Variants in CDH12 observed in about 807,000 individuals in gnomAD.
CDH12 encodes cadherin-12.
CDH12 carries 41 observed loss-of-function variants against 74.1 expected under a neutral mutation model. The observed-to-expected ratio is 0.55, with a 90% CI of 0.43 to 0.72. The LOEUF is 0.72. CDH12 is among the 30% of genes least tolerant of loss of function. The pLI is 0.00. For synonymous variants in CDH12, 399 were observed against 355.0 expected (o/e 1.12, Z -1.39); for missense variants, 945 against 977.2 (o/e 0.97, Z 0.44).
At chr5:21,868,210 T>C (rs761352716) in intron 6 of CDH12, among the ~76,000 whole-genome samples, 2 of 147,044 alleles carry the variant, frequency 1.4e-5, no homozygotes, top group Non-Finnish European at 2.9e-5. Context: ...TCCACCATGA[T>C]TGTGAGGCCT....
At chr5:22,099,470 C>T (rs1312698837) in intron 4 of CDH12, among the ~76,000 whole-genome samples, 2 of 152,218 alleles carry the variant, frequency 1.3e-5, no homozygotes, top group African/African-American at 4.8e-5. Flanking sequence ...TGGAATGCTA[C>T]AGGGTACAGC....
intron 4 of CDH12, among the ~76,000 whole-genome samples, chr5:22,117,501 A>AATATATATATT (rs1745230268): frequency 1.4e-5 from 1 of 70,890 alleles, no homozygotes. Flanking sequence ...ATATATATAT[A>AATATATATATT]ATATATATAT....
chr5:21,964,883 T>C (rs1756514508), intron 6 of CDH12, among the ~76,000 whole-genome samples: 1 of 152,012 alleles, frequency 6.6e-6, no homozygotes, highest in South Asian at 2.1e-4. Flanking sequence ...ACTATTTTTC[T>C]AAACAAACAG....
chr5:22,218,975 T>A (rs561829033), intron 3 of CDH12, among the ~76,000 whole-genome samples: 1 of 151,924 alleles, frequency 6.6e-6, no homozygotes, highest in South Asian at 2.1e-4. Flanking sequence ...AAGACAACTT[T>A]AAACTTAATG....
At chr5:22,456,209 T>G (rs1235245884) in intron 2 of CDH12, among the ~76,000 whole-genome samples, 2 of 149,580 alleles carry the variant, frequency 1.3e-5, no homozygotes, top group African/African-American at 4.9e-5. Context: ...TGAGTATTCA[T>G]TACAATGCTT....
chr5:22,287,988 C>T (rs1561285168), intron 3 of CDH12, among the ~76,000 whole-genome samples: 2 of 152,064 alleles, frequency 1.3e-5, no homozygotes. Flanking sequence ...ACATTCCACC[C>T]AGTCAATCAA....
chr5:21,815,603 C>G (rs1747997035), intron 9 of CDH12, among the ~76,000 whole-genome samples: 1 of 152,168 alleles, frequency 6.6e-6, no homozygotes, highest in Non-Finnish European at 1.5e-5. Context: ...CATTACTAAA[C>G]AGCTTCCCAG....
intron 1 of CDH12, among the ~76,000 whole-genome samples, chr5:22,799,483 G>C (rs1168755139): frequency 1.3e-5 from 2 of 152,026 alleles, no homozygotes; most frequent in Non-Finnish European, 2.9e-5. Context: ...TTATTAACTT[G>C]TTAGAGTTAA....
chr5:22,138,874 A>ATATATATATATATATG (rs1746623837), intron 4 of CDH12, among the ~76,000 whole-genome samples: 2 of 139,264 alleles, frequency 1.4e-5, no homozygotes, highest in African/African-American at 2.6e-5. Context: ...ATATATATAT[A>ATATATATATATATATG]TACATGTTGG....
At chr5:22,183,967 C>T (rs189424303) in intron 4 of CDH12, among the ~76,000 whole-genome samples, 4 of 151,462 alleles carry the variant, frequency 2.6e-5, no homozygotes, top group African/African-American at 9.7e-5. Context: ...TATTTTCTGT[C>T]CTAATATATG....
chr5:22,085,364 T>C (rs892533387), intron 4 of CDH12, among the ~76,000 whole-genome samples: 2 of 152,162 alleles, frequency 1.3e-5, no homozygotes, highest in African/African-American at 4.8e-5. Flanking sequence ...GGCAAATATA[T>C]TCAATATAAA....
At chr5:22,252,056 G>A (rs984494671) in intron 3 of CDH12, among the ~76,000 whole-genome samples, 1 of 151,824 alleles carries the variant, frequency 6.6e-6, no homozygotes, top group Non-Finnish European at 1.5e-5. Flanking sequence ...CATTGAATTG[G>A]TGATATCTAT....
intron 4 of CDH12, chr5:22,144,249 A>T: frequency 6.6e-6 from 1 of 152,188 alleles, no homozygotes; most frequent in African/African-American, 2.4e-5. Context: ...TTAGCTTCTA[A>T]GATTTGAAAA....
Position 22,315,015 on chromosome 5 carries a change from G to A in CDH12, c.-333+90242C>T, listed in dbSNP as rs188875389. Reference sequence around the variant, plus strand: ...GTCACCCAGGCTGGAGTGCAGTGGCGCGATCTAGGCTCACTGCAAGCTCCG... The same window carrying A: ...GTCACCCAGGCTGGAGTGCAGTGGCACGATCTAGGCTCACTGCAAGCTCCG... On this transcript the variant is annotated intron_variant, in intron 3 of 14. Transcript: ENST00000382254. Among the ~76,000 whole-genome samples, 483 of 110,876 alleles carry A rather than the reference G, an allele frequency of 4.4e-3. 15 individuals carry two copies. Among genetic ancestry groups the A allele is most frequent in the African/African-American group, 0.016 (435 of 27,262 alleles). 72.7% of individuals were successfully genotyped at this position (110,876 alleles called of 152,430 possible).
intron 2 of CDH12, among the ~76,000 whole-genome samples, chr5:22,414,905 T>C (rs1358552292): frequency 6.6e-6 from 1 of 152,090 alleles, no homozygotes; most frequent in East Asian, 1.9e-4. Context: ...CTAATAACAT[T>C]ATGTAGGGTT....
rs750042421 is a variant in CDH12, at chr5:21,752,141, C to T, written c.1981G>A (p.Asp661Asn). The T allele has an allele frequency of 4.5e-5, 73 of 1,614,064 alleles. No homozygotes were observed. The South Asian group carries it at 6.6e-4, about 15-fold the overall frequency. Residue 661 changes from aspartate to asparagine, a missense_variant, in exon 15 of 15, where the codon GAT becomes AAT. This residue lies in a region of CDH12 where 791 missense variants were observed against 792.8 expected (regional missense o/e 1.00). Transcript: ENST00000382254. ...EDIRDNVIHY[D>N]DEGGGEEDTQ... Reference sequence around the variant, plus strand: ...TCTTCCTCCCCACCTCCTTCATCATCGTAATGGATGACGTTGTCTCTGATG... The same window carrying T: ...TCTTCCTCCCCACCTCCTTCATCATTGTAATGGATGACGTTGTCTCTGATG...
chr5:22,695,100 T>C (rs528036676), intron 1 of CDH12, among the ~76,000 whole-genome samples: 39 of 152,276 alleles, frequency 2.6e-4, no homozygotes, highest in African/African-American at 6.0e-4. Flanking sequence ...TTTGGTTTTC[T>C]GTTCCTGTGT....
chr5:21,767,713 T>A (rs570545113), intron 11 of CDH12, among the ~76,000 whole-genome samples: 1 of 151,598 alleles, frequency 6.6e-6, no homozygotes, highest in East Asian at 1.9e-4. Flanking sequence ...GAGTAACAAG[T>A]TTATCTGTTT....
At position 22,151,076 on chromosome 5, in the gene CDH12, C is replaced by T. The variant is rs563061806; in HGVS notation, c.-187+61422G>A. ...TTTACGCACTTTTTGTACATCAGTG[C>T]CTTACATTAATTAATCCATTTAATT... On this transcript the variant is annotated intron_variant, in intron 4 of 14. Coordinates refer to ENST00000382254, the MANE Select transcript of CDH12 (RefSeq NM_004061.5). 2.0e-5 allele frequency among the ~76,000 whole-genome samples: 3 copies of T among 152,238 alleles called. No homozygotes were observed. In the East Asian group the frequency reaches 5.8e-4, roughly 29 times the overall value.
Sources: gnomAD v4.1 joint callset for allele counts (sites outside exome capture counted in the v4.1 genomes callset) on GRCh38, gnomAD v4.1.1 for gene constraint, gnomAD v4.1.1 regional missense constraint, MANE v1.5 for transcripts, NCBI Gene and HGNC (gene_info 2026-07-23, HGNC 2026-07-21) for gene names.